Variants in ARHGEF6 observed in about 807,000 individuals in gnomAD.
The protein encoded by ARHGEF6 is Rac/Cdc42 guanine nucleotide exchange factor 6, also known as rho guanine nucleotide exchange factor 6.
Under a neutral mutation model 70.3 loss-of-function variants are expected in ARHGEF6, and 9 were observed. The observed-to-expected ratio is 0.13, with a 90% CI of 0.08 to 0.22. The LOEUF is 0.22. Ranked by LOEUF, ARHGEF6 falls within the 10% of genes least tolerant of loss-of-function variation. ARHGEF6 has a pLI of 1.00. For synonymous variants in ARHGEF6, 201 were observed against 207.8 expected, an observed-to-expected ratio of 0.97 and a Z score of 0.28; for missense variants, 470 against 563.0, an observed-to-expected ratio of 0.83 and a Z score of 1.67.
intron 1 of ARHGEF6, 145 bp downstream of exon 1, chrX:136,780,573 A>G (rs1231762072): frequency 1.6e-6 from 1 of 614,768 alleles, no homozygotes; most frequent in Non-Finnish European, 2.6e-6. Context: ...CAAACTACAA[A>G]AACAGTAAGA....
intron 2 of ARHGEF6, among the ~76,000 whole-genome samples, chrX:136,753,723 T>C (rs1441313421): frequency 1.8e-5 from 2 of 112,370 alleles, no homozygotes; most frequent in Non-Finnish European, 3.8e-5. Flanking sequence ...TAAATTATAA[T>C]GAGAAATGTG....
chrX:136,690,532 G>T, intron 10 of ARHGEF6, 78 bp downstream of exon 10: 1 of 1,140,463 alleles, frequency 8.8e-7, no homozygotes, highest in Non-Finnish European at 1.2e-6. Flanking sequence ...AGGCCATTTT[G>T]GAGGCAAATT....
intron 2 of ARHGEF6, chrX:136,767,731 G>T (rs111258557): frequency 4.0e-6 from 3 of 753,437 alleles, no homozygotes; most frequent in Non-Finnish European, 4.7e-6. Flanking sequence ...AGCCGGAGCC[G>T]AGCAGCGGAG....
chrX:136,732,842 C>T (rs914803392), intron 5 of ARHGEF6, among the ~76,000 whole-genome samples: 5 of 110,885 alleles, frequency 4.5e-5, no homozygotes, highest in Admixed American at 9.6e-5. Context: ...GTATGTAACC[C>T]CATTGTAAGC....
intron 19 of ARHGEF6, among the ~76,000 whole-genome samples, chrX:136,674,758 T>C (rs1453919851): frequency 9.0e-6 from 1 of 111,653 alleles, no homozygotes; most frequent in Non-Finnish European, 1.9e-5. Flanking sequence ...AATTTTCACT[T>C]CTATCACCTC....
chrX:136,702,248 A>G (rs2076583972), intron 9 of ARHGEF6, among the ~76,000 whole-genome samples: 1 of 111,734 alleles, frequency 8.9e-6, no homozygotes, highest in African/African-American at 3.3e-5. Flanking sequence ...TACTGGTAAA[A>G]TTTTTTAAAG....
chrX:136,761,028 GT>G (rs1251904452), intron 2 of ARHGEF6, among the ~76,000 whole-genome samples: 1 of 112,103 alleles, frequency 8.9e-6, no homozygotes, highest in Non-Finnish European at 1.9e-5. Context: ...CATCCAAACT[GT>G]TTCTATTATT....
At position 136,719,004 on chromosome X, in the gene ARHGEF6, T is replaced by TAAA. The variant is rs35347859; in HGVS notation, c.733-5637_733-5635dup. Reference sequence around the variant, plus strand: ...ATTCCTCCTGTGATTTAATACTTGGTAAAAAAAAAAAAAAAAAAAAAGTGA... The same window carrying TAAA: ...ATTCCTCCTGTGATTTAATACTTGGTAAAAAAAAAAAAAAAAAAAAAAAAGTGA... On this transcript the variant is annotated intron_variant, in intron 6 of 21. Transcript: ENST00000250617. Among the ~76,000 whole-genome samples, 114 of 60,141 alleles carry TAAA rather than the reference T, an allele frequency of 1.9e-3. 1 individual carries two copies. The highest frequency in any genetic ancestry group is 6.4e-3 in the African/African-American group (110 of 17,242). The allele number at this position is 60,141 out of a possible 115,157, so 52.2% of individuals were successfully genotyped here.
intron 2 of ARHGEF6, among the ~76,000 whole-genome samples, chrX:136,764,527 A>G (rs938042080): frequency 3.6e-5 from 4 of 112,112 alleles, no homozygotes; most frequent in Admixed American, 2.8e-4. Flanking sequence ...CCTCATACAA[A>G]CAAGTACATA....
At chrX:136,683,585 C>T (rs1603336257) in intron 12 of ARHGEF6, among the ~76,000 whole-genome samples, 1 of 111,366 alleles carries the variant, frequency 9.0e-6, no homozygotes. Flanking sequence ...CTCAAACTCC[C>T]GACTTCAGGT....
chrX:136,771,475 T>C (rs1203581090), intron 2 of ARHGEF6, among the ~76,000 whole-genome samples: 1 of 112,484 alleles, frequency 8.9e-6, no homozygotes, highest in East Asian at 2.8e-4. Flanking sequence ...AATGGAGGAA[T>C]TGGCTAATGT....
At position 136,726,538 on chromosome X, in the gene ARHGEF6, T is replaced by C. The variant is rs763293268; in HGVS notation, c.732+5564A>G. On this transcript the variant is annotated intron_variant, in intron 6 of 21. Coordinates refer to ENST00000250617, the MANE Select transcript of ARHGEF6 (RefSeq NM_004840.3). ...ATCCAGGGTGGCAGAGAGAGGTAGA[T>C]AGATGAGTGAGAGAGAAAATGAGGG... Among the ~76,000 whole-genome samples, 66 of 111,759 alleles carry C rather than the reference T, an allele frequency of 5.9e-4. 1 individual carries two copies. Among genetic ancestry groups the C allele is most frequent in the African/African-American group, 2.1e-3 (64 of 30,744 alleles).
At chrX:136,723,590 A>C (rs1309048611) in intron 6 of ARHGEF6, among the ~76,000 whole-genome samples, 1 of 112,022 alleles carries the variant, frequency 8.9e-6, no homozygotes, top group Non-Finnish European at 1.9e-5. Context: ...ATTAAGTAAA[A>C]AGGAGGAGGT....
chrX:136,776,878 GATAA>G (rs59514085), intron 2 of ARHGEF6, among the ~76,000 whole-genome samples: 2,533 of 99,933 alleles, frequency 0.025, 30 homozygotes, highest in East Asian at 0.056. Context: ...TAAATAAATA[GATAA>G]ATAAATAAAT....
Position 136,668,120 on chromosome X carries a change from C to G in ARHGEF6, c.2240G>C (p.Arg747Thr), listed in dbSNP as rs1131691451. ...CCTCCGCACCAGCTTTTCTAGGTCCCTTCTTGATTTCAGTTCTTCTTCCAG... is the reference window on the plus strand; with the variant it reads ...CCTCCGCACCAGCTTTTCTAGGTCCGTTCTTGATTTCAGTTCTTCTTCCAG... ...QCLEEELKSR[R>T]DLEKLVRRLL... Residue 747 changes from arginine to threonine, a missense_variant, in exon 22 of 22, where the codon AGG becomes ACG. By Grantham distance (71) the Arg-to-Thr change is moderately conservative. This residue lies in a region of ARHGEF6 where 88 missense variants were observed against 95.5 expected (regional missense o/e 0.92). Transcript: ENST00000250617. 3.3e-6 allele frequency: 4 copies of G among 1,211,628 alleles called. No homozygotes were observed. The highest frequency in any genetic ancestry group is 3.4e-6 in the Non-Finnish European group (3 of 895,353).
chrX:136,752,341 G>A (rs759866916), intron 2 of ARHGEF6, among the ~76,000 whole-genome samples: 1 of 112,025 alleles, frequency 8.9e-6, no homozygotes, highest in South Asian at 3.7e-4. Flanking sequence ...GAGGGGAAAA[G>A]CTACACTAAG....
At position 136,745,501 on chromosome X, in the gene ARHGEF6, C is replaced by A. The variant is rs895620612; in HGVS notation, c.335-154G>T. 6.3e-5 allele frequency among the ~76,000 whole-genome samples: 7 copies of A among 111,827 alleles called. No individual in the cohort carries two copies. In the East Asian group the frequency reaches 1.7e-3, roughly 27 times the overall value. ...ACATGCCAAGTGTATTTCAATCCCC[C>A]TTCCCTTTTTGGTGGCCAACTTCCT... On this transcript the variant is annotated intron_variant, in intron 3 of 21. Transcript: ENST00000250617.
At chrX:136,775,350 G>A (rs926220523) in intron 2 of ARHGEF6, among the ~76,000 whole-genome samples, 4 of 111,942 alleles carry the variant, frequency 3.6e-5, no homozygotes, top group African/African-American at 9.8e-5. Flanking sequence ...AATACACCAT[G>A]ATCAAATGGG....
chrX:136,688,878 G>A (rs1297483610), intron 10 of ARHGEF6, among the ~76,000 whole-genome samples: 4 of 111,534 alleles, frequency 3.6e-5, no homozygotes, highest in Non-Finnish European at 7.5e-5. Flanking sequence ...ATTCAAAAAC[G>A]GCTTAGAGGA....
Sources: gnomAD v4.1 joint callset for allele counts (sites outside exome capture counted in the v4.1 genomes callset) on GRCh38, gnomAD v4.1.1 for gene constraint, gnomAD v4.1.1 regional missense constraint, MANE v1.5 for transcripts, NCBI Gene and HGNC (gene_info 2026-07-23, HGNC 2026-07-21) for gene names.